POU2F2: variants seen among roughly 807,000 people sequenced by gnomAD.
POU2F2 encodes POU domain, class 2, transcription factor 2.
POU2F2 carries 14 observed loss-of-function variants against 63.5 expected under a neutral mutation model. The observed-to-expected ratio is 0.22, with a 90% CI of 0.15 to 0.34. The LOEUF (loss-of-function observed/expected upper bound fraction) is 0.34, where lower values mean the gene tolerates loss of function less well. Among genes scored for constraint, POU2F2 ranks in the 10% least tolerant of loss-of-function variants. The pLI is 1.00. For missense variants in POU2F2, 607 were observed against 815.2 expected, an observed-to-expected ratio of 0.74 and a Z score of 3.11; for synonymous variants, 306 against 348.6, an observed-to-expected ratio of 0.88 and a Z score of 1.36.
chr19:42,143,656 C>A (rs185732866), intron 2 of POU2F2, among the ~76,000 whole-genome samples: 5 of 152,140 alleles, frequency 3.3e-5, no homozygotes, highest in African/African-American at 1.2e-4. Context: ...CACCTCAACT[C>A]CTCTCTCCCC....
chr19:42,088,214 G>A lies in POU2F2; in HGVS notation c.*3043C>T, dbSNP rs142612497. The A allele has an allele frequency of 6.6e-6, 1 of 152,348 alleles. No individual in the cohort carries two copies. The highest frequency in any genetic ancestry group is 2.4e-5 in the African/African-American group (1 of 41,572). The allele number at this position is 152,348 out of a possible 1,614,324, so 9.4% of individuals were successfully genotyped here. A position where few individuals can be genotyped will look rare whatever the true frequency, so the allele number is the denominator to read the frequency against. ...CCCAATATTTGGTTTCACAGCTGTA[G>A]TTAAAGCTTGGGATTTGGTTATTTT... On this transcript the variant is annotated 3_prime_UTR_variant, in exon 15 of 15. Coordinates refer to ENST00000692977, the MANE Select transcript of POU2F2 (RefSeq NM_001394376.1).
At chr19:42,157,805 C>CTTCTCTG (rs2034484666) in intron 2 of POU2F2, among the ~76,000 whole-genome samples, 1 of 152,118 alleles carries the variant, frequency 6.6e-6, no homozygotes, top group Admixed American at 6.5e-5. Flanking sequence ...GAAGCCAACC[C>CTTCTCTG]AGAGTGGAGA....
chr19:42,136,186 C>CT (rs775409108), upstream of POU2F2, among the ~76,000 whole-genome samples: 18,968 of 130,442 alleles, frequency 0.15, 1,759 homozygotes, highest in Middle Eastern at 0.23. Flanking sequence ...CTATGCTTTC[C>CT]TTTTTTTTTT....
At chr19:42,108,738 G>A (rs1012664353) in intron 5 of POU2F2, among the ~76,000 whole-genome samples, 1 of 152,196 alleles carries the variant, frequency 6.6e-6, no homozygotes, top group African/African-American at 2.4e-5. Context: ...GGCGTGTTAC[G>A]TCCGAGTCAG....
chr19:42,106,403 G>A (rs1360633127), intron 5 of POU2F2, among the ~76,000 whole-genome samples: 1 of 152,106 alleles, frequency 6.6e-6, no homozygotes, highest in Non-Finnish European at 1.5e-5. Context: ...GAGCCACCAT[G>A]TCCAGCCAGA....
At chr19:42,177,162 C>A (rs1320090609), upstream of POU2F2, 1 of 152,190 alleles carries the variant, frequency 6.6e-6, no homozygotes, top group African/African-American at 2.4e-5. Flanking sequence ...CCGCTGCTCC[C>A]ATCGGTAGGC....
At chr19:42,148,766 G>A (rs1307377092) in intron 2 of POU2F2, among the ~76,000 whole-genome samples, 2 of 145,774 alleles carry the variant, frequency 1.4e-5, no homozygotes, top group African/African-American at 5.0e-5. Flanking sequence ...CTGTTGCACG[G>A]GTTCTTCCTC....
chr19:42,148,927 C>T (rs1332134118), intron 2 of POU2F2, among the ~76,000 whole-genome samples: 1 of 152,080 alleles, frequency 6.6e-6, no homozygotes, highest in Non-Finnish European at 1.5e-5. Flanking sequence ...AAGCATGACC[C>T]TGGTTGGGCC....
At chr19:42,093,130 C>G (rs555006909) in intron 12 of POU2F2, among the ~76,000 whole-genome samples, 46 of 150,612 alleles carry the variant, frequency 3.1e-4, no homozygotes, top group African/African-American at 1.1e-3. Flanking sequence ...CCTGCCTCAG[C>G]CTCCCGAGTA....
At position 42,156,202 on chromosome 19, in the gene POU2F2, C is replaced by T. The variant is rs2034453464; in HGVS notation, c.-9+4130G>A. 1 of 152,154 alleles carries T rather than the reference C, an allele frequency of 6.6e-6. No individual in the cohort carries two copies. The highest frequency in any genetic ancestry group is 6.5e-5 in the Admixed American group (1 of 15,280). The allele number at this position is 152,154 out of a possible 1,614,324, so 9.4% of individuals were successfully genotyped here. A position where few individuals can be genotyped will look rare whatever the true frequency, so the allele number is the denominator to read the frequency against. ...TACTTGACCTTCATTTGCTGTGGGA[C>T]TGTCAGGGATTCCAGGGACCCACTG... On this transcript the variant is annotated intron_variant, in intron 2 of 6. Coordinates refer to the POU2F2 transcript ENST00000524801. This position sits in a 1 kb window ranked among gnomAD's most constrained non-coding sequence, Gnocchi z 4.1.
chr19:42,187,002 C>T (rs897517127), intron 1 of POU2F2, among the ~76,000 whole-genome samples: 2 of 152,098 alleles, frequency 1.3e-5, no homozygotes, highest in Non-Finnish European at 2.9e-5. Context: ...TATTGGGATA[C>T]AGTTGTGTGC....
At chr19:42,185,255 A>G (rs1340563985) in intron 1 of POU2F2, among the ~76,000 whole-genome samples, 1 of 152,002 alleles carries the variant, frequency 6.6e-6, no homozygotes, top group Non-Finnish European at 1.5e-5. Flanking sequence ...GTCCTAGTTC[A>G]GGCCTCCACA....
intron 5 of POU2F2, among the ~76,000 whole-genome samples, chr19:42,109,372 T>C (rs540016236): frequency 5.3e-5 from 8 of 152,070 alleles, no homozygotes; most frequent in Non-Finnish European, 8.8e-5. Context: ...ATATGGCAAA[T>C]TGTGACCAGC....
intron 1 of POU2F2, among the ~76,000 whole-genome samples, chr19:42,161,953 A>G (rs750328511): frequency 2.0e-5 from 3 of 152,236 alleles, no homozygotes; most frequent in African/African-American, 4.8e-5. Flanking sequence ...GCGCAGGGCA[A>G]AATCGATGGC....
intron 1 of POU2F2, among the ~76,000 whole-genome samples, chr19:42,168,481 C>A (rs1035244450): frequency 6.6e-6 from 1 of 152,190 alleles, no homozygotes; most frequent in Non-Finnish European, 1.5e-5. Flanking sequence ...CATGCCCTTG[C>A]CCAGGCAAGC....
intron 2 of POU2F2, among the ~76,000 whole-genome samples, chr19:42,141,911 A>G (rs560566299): frequency 9.5e-4 from 145 of 152,356 alleles, no homozygotes; most frequent in Admixed American, 2.2e-3. Context: ...GACAGTGGCT[A>G]AGTAAATTAT....
At chr19:42,113,887 C>G (rs2031489326) in intron 5 of POU2F2, among the ~76,000 whole-genome samples, 1 of 152,120 alleles carries the variant, frequency 6.6e-6, no homozygotes, top group African/African-American at 2.4e-5. Flanking sequence ...GTAGGTAAGT[C>G]AGGAAGAGCT....
intron 5 of POU2F2, among the ~76,000 whole-genome samples, chr19:42,111,800 TTATCCCCTGCAGTCCATTCTCC>T (rs775259582): frequency 5.8e-4 from 88 of 152,278 alleles, no homozygotes; most frequent in South Asian, 3.3e-3. Flanking sequence ...TTTTCTACTC[TTATCCCCTGCAGTCCATTCTCC>T]TATCCCCTGC....
At chr19:42,093,967 C>T (rs566287240) in intron 11 of POU2F2, 72 bp from the exon 12 acceptor site, 9 of 1,336,356 alleles carry the variant, frequency 6.7e-6, no homozygotes, top group South Asian at 6.2e-5. Context: ...CCTGTAGGAC[C>T]CCACTCCTCC....
Sources: gnomAD v4.1 joint callset for allele counts (sites outside exome capture counted in the v4.1 genomes callset) on GRCh38, gnomAD v4.1.1 for gene constraint, Gnocchi (gnomAD v3.1) non-coding constraint, MANE v1.5 for transcripts, NCBI Gene and HGNC (gene_info 2026-07-23, HGNC 2026-07-21) for gene names.